Variants in HIVEP3 observed in about 807,000 individuals in gnomAD.
The protein encoded by HIVEP3 is HIVEP zinc finger 3.
Under a neutral mutation model 152.8 loss-of-function variants are expected in HIVEP3, and 49 were observed. That is an observed-to-expected ratio of 0.32 (90% CI 0.26 to 0.41). HIVEP3 has a LOEUF of 0.41. Ranked by LOEUF, HIVEP3 falls within the 10% of genes least tolerant of loss-of-function variation. HIVEP3 has a pLI of 1.00. For synonymous variants in HIVEP3, 1,269 were observed against 1,289.0 expected (o/e 0.98, Z 0.33); for missense variants, 2,790 against 3,103.3 (o/e 0.90, Z 2.40).
chr1:41,555,922 T>C (rs1012986202), intron 5 of HIVEP3, among the ~76,000 whole-genome samples: 1 of 152,228 alleles, frequency 6.6e-6, no homozygotes, highest in African/African-American at 2.4e-5. Flanking sequence ...TCACGCAGCA[T>C]GGTGTCCTCA....
intron 1 of HIVEP3, among the ~76,000 whole-genome samples, chr1:41,812,573 G>A (rs1570590346): frequency 6.6e-6 from 1 of 152,296 alleles, no homozygotes. Context: ...CCTCTGGAAT[G>A]ACTGGGCCAC....
chr1:41,824,145 G>A (rs550830055), intron 1 of HIVEP3, among the ~76,000 whole-genome samples: 5 of 152,156 alleles, frequency 3.3e-5, no homozygotes, highest in African/African-American at 9.6e-5. Context: ...CATTTCATAG[G>A]TGAGGAAATG....
At chr1:41,573,609 T>C (rs1233952109) in intron 5 of HIVEP3, among the ~76,000 whole-genome samples, 1 of 152,218 alleles carries the variant, frequency 6.6e-6, no homozygotes, top group Non-Finnish European at 1.5e-5. Context: ...GATATACTAG[T>C]AGTAAAATGC....
intron 1 of HIVEP3, among the ~76,000 whole-genome samples, chr1:41,717,883 T>C (rs1398892427): frequency 1.3e-5 from 2 of 152,164 alleles, no homozygotes; most frequent in African/African-American, 2.4e-5. Context: ...ACTGAGCGCC[T>C]AGCTCACGGC....
chr1:41,973,047 CACACA>C (rs1454145044), intron 1 of HIVEP3, among the ~76,000 whole-genome samples: 1 of 113,564 alleles, frequency 8.8e-6, no homozygotes, highest in African/African-American at 5.5e-5. Context: ...CATGTGCGTG[CACACA>C]CACACACACA....
chr1:41,788,037 C>T (rs1043460307), intron 1 of HIVEP3, among the ~76,000 whole-genome samples: 1 of 152,194 alleles, frequency 6.6e-6, no homozygotes, highest in African/African-American at 2.4e-5. Flanking sequence ...AGCAAAGCTG[C>T]TCTGGGGCTC....
chr1:41,838,740 A>G (rs1457588842), intron 1 of HIVEP3, among the ~76,000 whole-genome samples: 2 of 152,172 alleles, frequency 1.3e-5, no homozygotes, highest in Non-Finnish European at 2.9e-5. Context: ...TCAGGGATCC[A>G]TGGAGAATAA....
intron 1 of HIVEP3, among the ~76,000 whole-genome samples, chr1:41,741,310 C>T (rs542418270): frequency 2.6e-5 from 4 of 152,294 alleles, no homozygotes; most frequent in Non-Finnish European, 4.4e-5. Context: ...GCAATGGAAC[C>T]AAGAGGCAGG....
intron 1 of HIVEP3, among the ~76,000 whole-genome samples, chr1:41,719,155 C>T (rs982666202): frequency 7.2e-5 from 11 of 152,188 alleles, no homozygotes; most frequent in Non-Finnish European, 1.5e-4. Flanking sequence ...TGGAAGACTT[C>T]CTGGAGGAGG....
At position 41,511,808 on chromosome 1, in the gene HIVEP3, G is replaced by A. The variant is rs975019116; in HGVS notation, c.6406-542C>T. The stretch of plus-strand genomic sequence containing the variant: ...GCAACACGGGGACAGAGAAGGTGTC[G>A]GAAGGGGGTCAGCTGACAATGATGG... On this transcript the variant is annotated intron_variant, in intron 8 of 8. Transcript: ENST00000372583. The surrounding 1 kb of genome is among the most constrained non-coding windows in gnomAD (Gnocchi z 4.9). 6.6e-6 allele frequency among the ~76,000 whole-genome samples: 1 copy of A among 152,132 alleles called. No homozygotes were observed. The highest frequency in any genetic ancestry group is 1.5e-5 in the Non-Finnish European group (1 of 68,022).
In HIVEP3 at chr1:41,581,809, G is replaced by A; in HGVS notation, c.2989C>T (p.Pro997Ser). 1 of 1,587,120 alleles carries A rather than the reference G, an allele frequency of 6.3e-7. No individual in the cohort carries two copies. Among genetic ancestry groups the A allele is most frequent in the Non-Finnish European group, 8.6e-7 (1 of 1,166,444 alleles). The change falls in exon 4 of 9, where the codon CCC becomes TCC. Residue 997 changes from proline to serine, a missense_variant. Physicochemically the swap from Pro to Ser is moderately conservative, Grantham distance 74. Transcript: ENST00000372583. This position sits in a 1 kb window ranked among gnomAD's most constrained non-coding sequence, Gnocchi z 4.5. ...EMRRSASEQS[P>S]NVSHSAHMTE... is the part of the protein sequence containing the mutation. ...ATGTGGGCAGAATGGGAAACGTTGG[G>A]GCTCTGCTCTGAGGCTGACCTCCGC... is the stretch of plus-strand genomic sequence containing the variant.
intron 1 of HIVEP3, among the ~76,000 whole-genome samples, chr1:41,941,389 G>A (rs1053744402): frequency 6.6e-6 from 1 of 152,176 alleles, no homozygotes; most frequent in Admixed American, 6.5e-5. Flanking sequence ...GGCACACATA[G>A]GAAGAGTGGT....
At chr1:42,010,881 G>A (rs566950438) in intron 1 of HIVEP3, among the ~76,000 whole-genome samples, 15 of 151,944 alleles carry the variant, frequency 9.9e-5, no homozygotes, top group Admixed American at 9.8e-4. Flanking sequence ...CCACCTCCAA[G>A]GCTCAGCCCA....
chr1:41,658,578 C>G (rs568487173), intron 2 of HIVEP3, among the ~76,000 whole-genome samples: 30 of 152,186 alleles, frequency 2.0e-4, no homozygotes, highest in Admixed American at 1.3e-4. Flanking sequence ...TCACTTCACC[C>G]CCCCCATGAG....
chr1:41,665,827 A>T (rs1403450987), intron 2 of HIVEP3, among the ~76,000 whole-genome samples: 2 of 151,832 alleles, frequency 1.3e-5, no homozygotes, highest in African/African-American at 4.8e-5. Flanking sequence ...TTGGCATCTG[A>T]TCTGCCATCT....
intron 3 of HIVEP3, among the ~76,000 whole-genome samples, chr1:41,596,591 C>T (rs1226098737): frequency 1.3e-5 from 2 of 152,184 alleles, no homozygotes; most frequent in Non-Finnish European, 2.9e-5. Context: ...ATACAGAACT[C>T]CACACTCAGT....
intron 1 of HIVEP3, among the ~76,000 whole-genome samples, chr1:41,997,266 G>A (rs1418933835): frequency 6.6e-6 from 1 of 152,234 alleles, no homozygotes; most frequent in Non-Finnish European, 1.5e-5. Flanking sequence ...CTCAATGGAA[G>A]GAGTGCCAAT....
intron 1 of HIVEP3, among the ~76,000 whole-genome samples, chr1:41,844,808 T>C (rs895283770): frequency 3.3e-5 from 5 of 152,160 alleles, no homozygotes; most frequent in African/African-American, 1.2e-4. Flanking sequence ...AGGATCAAAA[T>C]ATAAAGAAAG....
In HIVEP3 at chr1:41,782,701, C is replaced by T. The variant is rs925543792; in HGVS notation, c.-800-81706G>A. Among the ~76,000 whole-genome samples the T allele has an allele frequency of 1.0e-4, 15 of 145,468 alleles. No homozygotes were observed. In the South Asian group the frequency reaches 1.3e-3, roughly 13 times the overall value. On this transcript the variant is annotated intron_variant, in intron 1 of 8. Coordinates refer to ENST00000372583, the MANE Select transcript of HIVEP3 (RefSeq NM_024503.5). ...GAGCTGAGACCAAGCCATTGCACTCCAGCCTGGGCAACAGAGCAAGACTCC... is the reference window on the plus strand; with the variant it reads ...GAGCTGAGACCAAGCCATTGCACTCTAGCCTGGGCAACAGAGCAAGACTCC...
Sources: allele counts gnomAD v4.1 joint callset (sites outside exome capture counted in the v4.1 genomes callset), GRCh38; gene constraint gnomAD v4.1.1; non-coding constraint Gnocchi (gnomAD v3.1); transcripts MANE v1.5; gene names NCBI Gene and HGNC (gene_info 2026-07-23, HGNC 2026-07-21).